Variants in KAT6B observed in about 807,000 individuals in gnomAD.
KAT6B encodes lysine acetyltransferase 6B.
KAT6B carries 10 observed loss-of-function variants against 187.5 expected under a neutral mutation model. The ratio of observed to expected loss-of-function variants is 0.05; its 90% confidence interval spans 0.03 to 0.09. The LOEUF is 0.09. Among genes scored for constraint, KAT6B ranks in the 10% least tolerant of loss-of-function variants. The pLI, the probability that KAT6B is intolerant of heterozygous loss-of-function variation, is 1.00. For synonymous variants in KAT6B, 861 were observed against 926.8 expected (o/e 0.93, Z 1.29); for missense variants, 1,952 against 2,558.9 (o/e 0.76, Z 5.12).
rs781347759 is a variant in KAT6B, at chr10:74,975,554, G to A, written c.1217G>A (p.Arg406Gln). The change falls in exon 8 of 18, where the codon CGG (arginine) becomes CAG (glutamine). Residue 406 changes from arginine to glutamine, a missense_variant. By Grantham distance (43) the Arg-to-Gln change is conservative (BLOSUM62 1). Transcript: ENST00000287239. Reference sequence around the variant, plus strand: ...AGATTGGCTGTTACAGACCCCACTCGGCCTGGTGCCACCACCAAAATCACC... The same window carrying A: ...AGATTGGCTGTTACAGACCCCACTCAGCCTGGTGCCACCACCAAAATCACC... ...SSRLAVTDPT[R>Q]PGATTKITTT... 71 of 1,613,734 alleles carry A rather than the reference G, an allele frequency of 4.4e-5. No individual in the cohort carries two copies. Among genetic ancestry groups the A allele is most frequent in the Non-Finnish European group, 5.6e-5 (66 of 1,179,986 alleles).
Position 75,029,926 on chromosome 10 carries a change from A to G in KAT6B, c.5102A>G (p.Gln1701Arg). 1 of 1,614,240 alleles carries G rather than the reference A, an allele frequency of 6.2e-7. No homozygotes were observed. The highest frequency in any genetic ancestry group is 8.5e-7 in the Non-Finnish European group (1 of 1,180,038). The change falls in exon 18 of 18, where the codon CAG (glutamine) becomes CGG (arginine). Residue 1701 changes from glutamine (Q) to arginine (R), a missense_variant. Gln to Arg is a conservative substitution (Grantham distance 43). Around this residue, in one of 9 missense-constraint regions of KAT6B, gnomAD observed 87 missense variants for 167.5 expected, o/e 0.52. Transcript: ENST00000287239. The surrounding 1 kb of genome is among the most constrained non-coding windows in gnomAD (Gnocchi z 6.2). ...GGSICGNGSS[Q>R]NSCSYSNLTS... The stretch of plus-strand genomic sequence containing the variant: ...AGCATCTGTGGAAACGGCTCTTCAC[A>G]GAACAGCTGCTCCTATAGCAACCTC...
upstream of KAT6B, among the ~76,000 whole-genome samples, chr10:74,825,364 C>T (rs1840108397): frequency 6.6e-6 from 1 of 151,098 alleles, no homozygotes; most frequent in African/African-American, 2.4e-5. The surrounding 1 kb of genome is among the most constrained non-coding windows in gnomAD (Gnocchi z 5.0). Flanking sequence ...GAGGCAGGTA[C>T]CCCCGGGGCG....
intron 3 of KAT6B, among the ~76,000 whole-genome samples, chr10:74,894,362 A>C (rs1845845715): frequency 6.6e-6 from 1 of 152,226 alleles, no homozygotes; most frequent in Admixed American, 6.5e-5. Flanking sequence ...GATTATAGGC[A>C]TGAGCCACCG....
chr10:74,830,933 G>C (rs1219748533), intron 1 of KAT6B, among the ~76,000 whole-genome samples: 1 of 149,976 alleles, frequency 6.7e-6, no homozygotes, highest in African/African-American at 2.4e-5. Context: ...GATTACAGGT[G>C]CCCACTACCA....
At chr10:74,961,237 T>C (rs1017405402) in intron 4 of KAT6B, among the ~76,000 whole-genome samples, 4 of 152,168 alleles carry the variant, frequency 2.6e-5, no homozygotes, top group African/African-American at 7.2e-5. Flanking sequence ...CCCCACGATA[T>C]CCCTGTTTTA....
chr10:74,939,239 T>C (rs1849485756), intron 3 of KAT6B, among the ~76,000 whole-genome samples: 1 of 152,160 alleles, frequency 6.6e-6, no homozygotes, highest in African/African-American at 2.4e-5. Flanking sequence ...ATTCTTCCAA[T>C]GTAAAGGCTG....
At chr10:74,869,801 A>G (rs1843789154) in intron 3 of KAT6B, among the ~76,000 whole-genome samples, 1 of 152,232 alleles carries the variant, frequency 6.6e-6, no homozygotes, top group African/African-American at 2.4e-5. Context: ...TTTCTGCTGT[A>G]TGGATGCAAG....
chr10:74,844,619 C>T (rs376890358), intron 3 of KAT6B, among the ~76,000 whole-genome samples: 4 of 152,214 alleles, frequency 2.6e-5, no homozygotes, highest in African/African-American at 9.6e-5. Flanking sequence ...TTGTCTCATA[C>T]AGTATCTTTT....
rs377573235 is a variant in KAT6B at position 75,020,659 on chromosome 10, C to G, written c.2707C>G (p.Leu903Val). 6.2e-7 allele frequency: 1 copy of G among 1,614,262 alleles called. No individual in the cohort carries two copies. The highest frequency in any genetic ancestry group is 1.3e-5 in the African/African-American group (1 of 75,064). The change falls in exon 14 of 18, where the codon CTG (leucine) becomes GTG (valine). Residue 903 changes from leucine to valine, a missense_variant. By Grantham distance (32) the Leu-to-Val change is conservative (BLOSUM62 1). Coordinates refer to ENST00000287239, the MANE Select transcript of KAT6B (RefSeq NM_012330.4). ...PLSDLGRLSYLAYWKSVILEY... is the reference protein window; with the variant it reads ...PLSDLGRLSYVAYWKSVILEY... ...CTCCGATCTGGGCCGTCTCTCCTACCTGGCATATTGGAAGAGCGTCATCTT... is the reference window on the plus strand; with the variant it reads ...CTCCGATCTGGGCCGTCTCTCCTACGTGGCATATTGGAAGAGCGTCATCTT...
intron 3 of KAT6B, among the ~76,000 whole-genome samples, chr10:74,952,762 C>G (rs1268361584): frequency 1.3e-5 from 2 of 151,358 alleles, no homozygotes; most frequent in Non-Finnish European, 2.9e-5. Flanking sequence ...TCTTGGCTCA[C>G]TGCAACCTCC....
intron 3 of KAT6B, among the ~76,000 whole-genome samples, chr10:74,845,714 G>A (rs1009157842): frequency 1.3e-5 from 2 of 151,084 alleles, no homozygotes; most frequent in African/African-American, 4.9e-5. Context: ...CCTGGGCTAA[G>A]TACAGTTTAG....
rs927405030 is a variant in KAT6B at position 75,032,415 on chromosome 10, A to G, written c.*1369A>G. On this transcript the variant is annotated 3_prime_UTR_variant, in exon 18 of 18. Coordinates refer to ENST00000287239, the MANE Select transcript of KAT6B (RefSeq NM_012330.4). ...AAATTATTTAGTGTAAATTGGAGTT[A>G]TGGGATTTTCTGATTTGTTTTGACT... 2.6e-5 allele frequency: 5 copies of G among 189,882 alleles called. No individual in the cohort carries two copies. Among genetic ancestry groups the G allele is most frequent in the African/African-American group, 2.3e-5 (1 of 42,900 alleles). 11.8% of individuals were successfully genotyped at this position (189,882 alleles called of 1,614,324 possible).
intron 3 of KAT6B, among the ~76,000 whole-genome samples, chr10:74,935,106 A>G (rs1437404457): frequency 6.6e-6 from 1 of 152,266 alleles, no homozygotes; most frequent in African/African-American, 2.4e-5. Context: ...TCTGTGCCTC[A>G]GCAAGACTCG....
intron 4 of KAT6B, 82 bp from the exon 5 acceptor site, chr10:74,969,578 A>G (rs1431265821): frequency 5.1e-6 from 4 of 783,702 alleles, no homozygotes; most frequent in Admixed American, 1.9e-5. Flanking sequence ...CTCATCAGCT[A>G]TCTATTAAAT....
chr10:74,853,280 T>G (rs1437684963), intron 3 of KAT6B, among the ~76,000 whole-genome samples: 1 of 151,006 alleles, frequency 6.6e-6, no homozygotes, highest in Non-Finnish European at 1.5e-5. Flanking sequence ...CACCACCTTG[T>G]CTGGCTAATT....
At position 74,990,196 on chromosome 10, in the gene KAT6B, CAAAAAAAAAAAAAAA is replaced by C. The variant is rs56300641; in HGVS notation, c.2629+1103_2629+1117del. On this transcript the variant is annotated intron_variant, in intron 13 of 17. Transcript: ENST00000287239. The stretch of plus-strand genomic sequence containing the variant: ...GGTGACAGAGTGAGAGACTCTGTCT[CAAAAAAAAAAAAAAA>C]AAAAAAAAAAAAAAAAAAGTCTGTC... 1.4e-3 allele frequency among the ~76,000 whole-genome samples: 56 copies of C among 39,426 alleles called. 1 individual carries two copies. Among genetic ancestry groups the C allele is most frequent in the East Asian group, 0.012 (14 of 1,158 alleles). 25.9% of individuals were successfully genotyped at this position (39,426 alleles called of 152,430 possible). A position where few individuals can be genotyped will look rare whatever the true frequency, so the allele number is the denominator to read the frequency against.
Position 74,886,394 on chromosome 10 carries a change from C to G in KAT6B, c.621+42916C>G, listed in dbSNP as rs547379074. Among the ~76,000 whole-genome samples, 13 of 152,320 alleles carry G rather than the reference C, an allele frequency of 8.5e-5. No individual in the cohort carries two copies. In the South Asian group the frequency reaches 2.7e-3, roughly 32 times the overall value. On this transcript the variant is annotated intron_variant, in intron 3 of 17. Coordinates refer to ENST00000287239, the MANE Select transcript of KAT6B (RefSeq NM_012330.4). The stretch of plus-strand genomic sequence containing the variant: ...CTGGACACAGAGCCTTCTTCACCCC[C>G]ACCTGCATCCCAGGTGAGGAGGAAT...
At chr10:74,939,050 AAC>A (rs112617639) in intron 3 of KAT6B, among the ~76,000 whole-genome samples, 1,822 of 144,952 alleles carry the variant, frequency 0.013, 13 homozygotes, top group South Asian at 0.018. Context: ...TTATTTTCTT[AAC>A]ACACACACAC....
Position 74,975,921 on chromosome 10 carries a change from G to A in KAT6B, c.1584G>A (p.Val528=), listed in dbSNP as rs200122662. Residue 528 remains valine (V), a synonymous_variant, in exon 8 of 18, where the codon GTG becomes GTA. Coordinates refer to ENST00000287239, the MANE Select transcript of KAT6B (RefSeq NM_012330.4). ...SPQSSSSQCS[V]PSLSSLTTNS... The stretch of plus-strand genomic sequence containing the variant: ...AGAGTTCTTCCAGCCAGTGCAGTGT[G>A]CCCTCCCTGAGCAGCCTTACCACTA... The A allele has an allele frequency of 2.8e-5, 45 of 1,614,040 alleles. No homozygotes were observed. The East Asian group carries it at 4.5e-4, about 16-fold the overall frequency.
Sources: gnomAD v4.1 joint callset for allele counts (sites outside exome capture counted in the v4.1 genomes callset) on GRCh38, gnomAD v4.1.1 for gene constraint, gnomAD v4.1.1 regional missense constraint, Gnocchi (gnomAD v3.1) non-coding constraint, MANE v1.5 for transcripts, NCBI Gene and HGNC (gene_info 2026-07-23, HGNC 2026-07-21) for gene names.